The following MBD5 variants were observed in gnomAD, a reference collection of about 807,000 sequenced individuals.
MBD5 encodes methyl-CpG binding domain protein 5.
MBD5 carries 13 observed loss-of-function variants against 117.3 expected under a neutral mutation model. That is an observed-to-expected ratio of 0.11 (90% CI 0.07 to 0.18). The LOEUF is 0.18. MBD5 is among the 10% of genes least tolerant of loss of function. MBD5 has a pLI of 1.00. For synonymous variants in MBD5, 727 were observed against 766.4 expected (o/e 0.95, Z 0.85); for missense variants, 1,879 against 2,093.8 (o/e 0.90, Z 2.00).
chr2:148,323,894 G>A (rs546203317), intron 3 of MBD5, among the ~76,000 whole-genome samples: 55 of 152,276 alleles, frequency 3.6e-4, no homozygotes, highest in African/African-American at 1.3e-3. Context: ...TGCTTTTGGT[G>A]TTTTAGACAG....
chr2:148,282,903 C>T lies in MBD5; in HGVS notation c.-680+49508C>T, dbSNP rs536761055. Among the ~76,000 whole-genome samples, 1,132 of 144,366 alleles carry T rather than the reference C, an allele frequency of 7.8e-3. 19 individuals are homozygous for T. The highest frequency in any genetic ancestry group is 9.5e-3 in the Non-Finnish European group (627 of 66,324). 94.7% of individuals were successfully genotyped at this position (144,366 alleles called of 152,430 possible). On this transcript the variant is annotated intron_variant, in intron 3 of 13. Coordinates refer to ENST00000642680, the MANE Select transcript of MBD5 (RefSeq NM_001378120.1). The stretch of plus-strand genomic sequence containing the variant: ...ACTGACTTTTAAGACTTAACCGCCC[C>T]CCCCCATCAGATGCAATTATTAGTT...
chr2:148,390,509 A>ATGTGTATATGTGTGTGTGTGTG (rs148319237), intron 4 of MBD5, among the ~76,000 whole-genome samples: 45 of 148,654 alleles, frequency 3.0e-4, no homozygotes, highest in Middle Eastern at 7.2e-3. Flanking sequence ...ATGTGTGTGT[A>ATGTGTATATGTGTGTGTGTGTG]TGTATATATG....
rs1313252752 is a variant in MBD5, at chr2:148,516,496, C to T, written c.*3555C>T. ...GGGGACATGAACAAAAATTATCAAC[C>T]AGCCAGAACTGTAATATTTAATTAG... is the stretch of plus-strand genomic sequence containing the variant. On this transcript the variant is annotated 3_prime_UTR_variant, in exon 14 of 14. Transcript: ENST00000642680. 38 of 152,128 alleles carry T rather than the reference C, an allele frequency of 2.5e-4. 1 individual carries two copies. Among genetic ancestry groups the T allele is most frequent in the Admixed American group, 2.4e-3 (37 of 15,272 alleles). 9.4% of individuals were successfully genotyped at this position (152,128 alleles called of 1,614,324 possible).
At chr2:148,391,262 T>G (rs2105532214) in intron 4 of MBD5, among the ~76,000 whole-genome samples, 1 of 136,758 alleles carries the variant, frequency 7.3e-6, no homozygotes, top group East Asian at 2.4e-4. Flanking sequence ...TAGAAAACAG[T>G]GTTAAAGAAC....
intron 1 of MBD5, among the ~76,000 whole-genome samples, chr2:148,110,018 C>A (rs988125525): frequency 1.1e-4 from 16 of 152,092 alleles, no homozygotes; most frequent in African/African-American, 3.4e-4. Context: ...AATATATTTT[C>A]ACCATTGGTG....
intron 1 of MBD5, among the ~76,000 whole-genome samples, chr2:148,054,211 C>T (rs1694795811): frequency 6.6e-6 from 1 of 152,050 alleles, no homozygotes; most frequent in East Asian, 1.9e-4. Context: ...CCAGCGTGAT[C>T]CAATGAACTT....
intron 3 of MBD5, among the ~76,000 whole-genome samples, chr2:148,325,683 C>T (rs1389907466): frequency 6.6e-6 from 1 of 151,932 alleles, no homozygotes; most frequent in Non-Finnish European, 1.5e-5. Context: ...GTGGTGATAT[C>T]CCCTTTATCA....
Position 148,178,034 on chromosome 2 carries a change from A to G in MBD5, c.-924-666A>G, listed in dbSNP as rs541707041. Among the ~76,000 whole-genome samples, 6 of 152,346 alleles carry G rather than the reference A, an allele frequency of 3.9e-5. No homozygotes were observed. In the South Asian group the frequency reaches 1.2e-3, roughly 32 times the overall value. ...AAGTACATATTAAGTATGGCACTGT[A>G]GAATCCAAATCCTGTTTCCCTAACT... is the stretch of plus-strand genomic sequence containing the variant. On this transcript the variant is annotated intron_variant, in intron 1 of 13. Coordinates refer to ENST00000642680, the MANE Select transcript of MBD5 (RefSeq NM_001378120.1).
intron 1 of MBD5, among the ~76,000 whole-genome samples, chr2:148,065,812 A>G (rs959055946): frequency 6.6e-6 from 1 of 152,314 alleles, no homozygotes. Flanking sequence ...AGATAGGAAG[A>G]TTATTTATGT....
chr2:148,502,092 T>C (rs1180095889), intron 11 of MBD5, among the ~76,000 whole-genome samples: 1 of 152,246 alleles, frequency 6.6e-6, no homozygotes, highest in Non-Finnish European at 1.5e-5. Context: ...AGTAGTCTGA[T>C]ACTACAGATT....
At chr2:148,424,553 C>T (rs1705717307) in intron 4 of MBD5, among the ~76,000 whole-genome samples, 1 of 151,936 alleles carries the variant, frequency 6.6e-6, no homozygotes, top group South Asian at 2.1e-4. Context: ...ATCTACAGAA[C>T]TCTTCACCCC....
intron 1 of MBD5, among the ~76,000 whole-genome samples, chr2:148,029,017 A>G (rs1040151953): frequency 6.6e-6 from 1 of 152,108 alleles, no homozygotes; most frequent in African/African-American, 2.4e-5. Context: ...CCAGACATCT[A>G]ACTGTTTATA....
chr2:148,237,621 C>T (rs546562739), intron 3 of MBD5, among the ~76,000 whole-genome samples: 25 of 152,184 alleles, frequency 1.6e-4, no homozygotes, highest in Non-Finnish European at 2.6e-4. Flanking sequence ...TACAGATCAC[C>T]ATAACAGATA....
intron 3 of MBD5, among the ~76,000 whole-genome samples, chr2:148,340,837 T>TACAC (rs141965837): frequency 0.02 from 2,796 of 142,516 alleles, 48 homozygotes; most frequent in East Asian, 0.082. Context: ...AAACCACACA[T>TACAC]ACACACACAC....
At chr2:148,147,364 C>T (rs1228051212) in intron 1 of MBD5, among the ~76,000 whole-genome samples, 1 of 151,500 alleles carries the variant, frequency 6.6e-6, no homozygotes, top group Non-Finnish European at 1.5e-5. Flanking sequence ...TGCCTCAGCC[C>T]CCGAGAAGCT....
rs1404126568 is a variant in MBD5 at position 148,054,790 on chromosome 2, T to C, written c.-925+33106T>C. 5 of 152,242 alleles carry C rather than the reference T, an allele frequency of 3.3e-5. No individual in the cohort carries two copies. The East Asian group carries it at 9.6e-4, about 29-fold the overall frequency. 9.4% of individuals were successfully genotyped at this position (152,242 alleles called of 1,614,324 possible). On this transcript the variant is annotated intron_variant, in intron 1 of 13. Coordinates refer to ENST00000642680, the MANE Select transcript of MBD5 (RefSeq NM_001378120.1). ...TACCCTTGGGTATGTTTAGGTGGAATTGCAAGATCACAGTGTATGCTTATG... is the reference window on the plus strand; with the variant it reads ...TACCCTTGGGTATGTTTAGGTGGAACTGCAAGATCACAGTGTATGCTTATG...
chr2:148,506,383 A>G (rs1682033152), intron 12 of MBD5, among the ~76,000 whole-genome samples: 1 of 152,262 alleles, frequency 6.6e-6, no homozygotes, highest in African/African-American at 2.4e-5. Flanking sequence ...GCTGGAAAAC[A>G]ATAAAGTGAT....
At chr2:148,181,052 G>A (rs1478047705) in intron 2 of MBD5, among the ~76,000 whole-genome samples, 1 of 152,038 alleles carries the variant, frequency 6.6e-6, no homozygotes, top group Non-Finnish European at 1.5e-5. Flanking sequence ...AGCATCTTAT[G>A]GTACAATTTG....
At chr2:148,447,323 A>G (rs915841135) in intron 4 of MBD5, among the ~76,000 whole-genome samples, 3 of 152,072 alleles carry the variant, frequency 2.0e-5, no homozygotes, top group African/African-American at 7.2e-5. Flanking sequence ...TACCTACTCT[A>G]AGTCAAGAAT....
Sources: gnomAD v4.1 joint callset for allele counts (sites outside exome capture counted in the v4.1 genomes callset) on GRCh38, gnomAD v4.1.1 for gene constraint, MANE v1.5 for transcripts, NCBI Gene and HGNC (gene_info 2026-07-23, HGNC 2026-07-21) for gene names.